MFHAS1: variants seen among roughly 807,000 people sequenced by gnomAD.
The protein encoded by MFHAS1 is malignant fibrous histiocytoma-amplified sequence 1.
A neutral mutation model predicts 70.4 loss-of-function variants in MFHAS1; 50 were observed. The observed-to-expected ratio is 0.71, with a 90% confidence interval of 0.57 to 0.90. The LOEUF (loss-of-function observed/expected upper bound fraction) is 0.90. Ranked by LOEUF, MFHAS1 falls within the 40% of genes least tolerant of loss-of-function variation. The probability of loss-of-function intolerance (pLI) is 0.00; values close to 1 mark genes in which losing one functional copy is unlikely to be tolerated. For missense variants in MFHAS1, 1,795 were observed against 1,347.6 expected (o/e 1.33, Z -5.20); for synonymous variants, 952 against 620.0 (o/e 1.54, Z -7.96).
At chr8:8,889,932 G>A in intron 1 of MFHAS1, 129 bp downstream of exon 1, 1 of 741,762 alleles carries the variant, frequency 1.3e-6, no homozygotes, top group Non-Finnish European at 2.2e-6. Context: ...ATCTCCCTGT[G>A]TTTCCCTTAC....
chr8:8,786,971 C>T (rs904344202), intron 2 of MFHAS1, among the ~76,000 whole-genome samples: 1 of 152,070 alleles, frequency 6.6e-6, no homozygotes, highest in African/African-American at 2.4e-5. Context: ...AAACCAAAAA[C>T]CTCTCATTTA....
chr8:8,878,903 G>C (rs1279074496), intron 1 of MFHAS1, among the ~76,000 whole-genome samples: 2 of 152,140 alleles, frequency 1.3e-5, no homozygotes, highest in African/African-American at 2.4e-5. Flanking sequence ...TCTCAGCAAA[G>C]AAATCCAGCA....
chr8:8,789,138 G>C lies in MFHAS1; in HGVS notation c.3126-3083C>G, dbSNP rs537511096. ...GCAGAGACGGGGGAAGTGGTGGCTG[G>C]GGGGGTTGGGCCCTAGAGGGAAGCC... On this transcript the variant is annotated intron_variant, in intron 2 of 2. Coordinates refer to ENST00000276282, the MANE Select transcript of MFHAS1 (RefSeq NM_004225.3). Among the ~76,000 whole-genome samples the C allele has an allele frequency of 2.2e-4, 33 of 152,046 alleles. 1 individual carries two copies. In the South Asian group the frequency reaches 5.4e-3, roughly 25 times the overall value.
chr8:8,784,543 TGATTTCTA>T lies in MFHAS1; in HGVS notation c.*1471_*1478del, dbSNP rs1401201315. The T allele has an allele frequency of 1.3e-5, 2 of 152,232 alleles. No homozygotes were observed. The highest frequency in any genetic ancestry group is 4.8e-5 in the African/African-American group (2 of 41,460). 9.4% of individuals were successfully genotyped at this position (152,232 alleles called of 1,614,324 possible). ...AAAATATTCTACAAAAATCGGTTTG[TGATTTCTA>T]GCAGGGCAGTCGCTTGCTCCTTATT... is the stretch of plus-strand genomic sequence containing the variant. On this transcript the variant is annotated 3_prime_UTR_variant, in exon 3 of 3. Coordinates refer to ENST00000276282, the MANE Select transcript of MFHAS1 (RefSeq NM_004225.3).
chr8:8,809,975 C>G (rs1030434711), intron 1 of MFHAS1, among the ~76,000 whole-genome samples: 3 of 152,166 alleles, frequency 2.0e-5, no homozygotes, highest in African/African-American at 7.2e-5. Context: ...TAGGACGAAC[C>G]CTTATGACCT....
At chr8:8,848,643 C>T (rs936649000) in intron 1 of MFHAS1, among the ~76,000 whole-genome samples, 7 of 152,084 alleles carry the variant, frequency 4.6e-5, no homozygotes, top group East Asian at 3.9e-4. Flanking sequence ...AATCAGATCT[C>T]GCAAGAGGTA....
chr8:8,787,483 C>T (rs371291517), intron 2 of MFHAS1, among the ~76,000 whole-genome samples: 1 of 152,192 alleles, frequency 6.6e-6, no homozygotes, highest in Admixed American at 6.5e-5. Context: ...CTAGGGTGAT[C>T]TGACTCCAAA....
At chr8:8,868,229 T>C (rs1024458380) in intron 1 of MFHAS1, among the ~76,000 whole-genome samples, 1 of 151,966 alleles carries the variant, frequency 6.6e-6, no homozygotes, top group Non-Finnish European at 1.5e-5. Context: ...TGAATAAATA[T>C]CCTGACAAAT....
intron 1 of MFHAS1, among the ~76,000 whole-genome samples, chr8:8,832,761 C>T (rs1339853439): frequency 6.6e-6 from 1 of 151,414 alleles, no homozygotes; most frequent in Non-Finnish European, 1.5e-5. Context: ...CCTGACTCGC[C>T]GAGACTACAG....
At chr8:8,859,026 C>G (rs1334908497) in intron 1 of MFHAS1, among the ~76,000 whole-genome samples, 2 of 152,190 alleles carry the variant, frequency 1.3e-5, no homozygotes, top group African/African-American at 4.8e-5. Context: ...AAAGATTCTT[C>G]AGTCAATAAG....
intron 2 of MFHAS1, among the ~76,000 whole-genome samples, chr8:8,792,328 G>A (rs181206321): frequency 2.0e-4 from 31 of 151,504 alleles, no homozygotes; most frequent in East Asian, 9.9e-4. Flanking sequence ...TTGGCCGGGC[G>A]CGTGGCTCAC....
At position 8,890,136 on chromosome 8, in the gene MFHAS1, C is replaced by T. The variant is rs148854216; in HGVS notation, c.2923G>A (p.Gly975Arg). 5 of 1,614,032 alleles carry T rather than the reference C, an allele frequency of 3.1e-6. No homozygotes were observed. Among genetic ancestry groups the T allele is most frequent in the Non-Finnish European group, 4.2e-6 (5 of 1,180,038 alleles). The change falls in exon 1 of 3, where the codon GGA becomes AGA. Residue 975 changes from glycine (G) to arginine (R), a missense_variant. Transcript: ENST00000276282. ...ELNVLLQEWP[G>R]LHYTVHILCS... ...AGAATGTGCACGGTGTAGTGCAGTCCAGGCCATTCCTGAAGTAGGACATTC... is the reference window on the plus strand; with the variant it reads ...AGAATGTGCACGGTGTAGTGCAGTCTAGGCCATTCCTGAAGTAGGACATTC...
chr8:8,884,087 G>GGAA (rs1563220151), intron 1 of MFHAS1, among the ~76,000 whole-genome samples: 41 of 112,190 alleles, frequency 3.7e-4, no homozygotes, highest in African/African-American at 1.4e-3. Flanking sequence ...CACACAAAAA[G>GGAA]AAAAAAAAAA....
chr8:8,843,590 T>C (rs532842258), intron 1 of MFHAS1, among the ~76,000 whole-genome samples: 15 of 152,036 alleles, frequency 9.9e-5, no homozygotes, highest in East Asian at 3.9e-4. Flanking sequence ...CAAAAATAAA[T>C]AAACACATAA....
chr8:8,792,861 T>A (rs1563175795), intron 2 of MFHAS1, among the ~76,000 whole-genome samples: 1 of 152,218 alleles, frequency 6.6e-6, no homozygotes, highest in Non-Finnish European at 1.5e-5. Flanking sequence ...ACAATCTGTA[T>A]CCTTGAGGAG....
At chr8:8,824,346 C>T (rs1396982275) in intron 1 of MFHAS1, among the ~76,000 whole-genome samples, 1 of 152,028 alleles carries the variant, frequency 6.6e-6, no homozygotes, top group Non-Finnish European at 1.5e-5. Context: ...CAGGGTACCC[C>T]GGAGTCCTTA....
chr8:8,796,930 A>G (rs905533069), intron 2 of MFHAS1, among the ~76,000 whole-genome samples: 19 of 151,790 alleles, frequency 1.3e-4, no homozygotes, highest in South Asian at 8.3e-4. Flanking sequence ...CGGGAGGCGG[A>G]GCTTGCAGTG....
chr8:8,890,976 G>C lies in MFHAS1; in HGVS notation c.2083C>G (p.Leu695Val), dbSNP rs1018786482. 6.2e-7 allele frequency: 1 copy of C among 1,613,680 alleles called. No individual in the cohort carries two copies. Among genetic ancestry groups the C allele is most frequent in the Admixed American group, 1.7e-5 (1 of 59,992 alleles). Residue 695 changes from leucine to valine, a missense_variant, in exon 1 of 3, where the codon CTG becomes GTG. By Grantham distance (32) the Leu-to-Val change is conservative. Coordinates refer to ENST00000276282, the MANE Select transcript of MFHAS1 (RefSeq NM_004225.3). ...GCACTCTGCAGTCGGTCCTCGGTCA[G>C]ACCCGCCTGCAGGCCCAAGCGCGCC... ...DSARLGLQAGLTEDRLQSALS... is the reference protein window; with the variant it reads ...DSARLGLQAGVTEDRLQSALS...
intron 1 of MFHAS1, among the ~76,000 whole-genome samples, chr8:8,844,932 G>A (rs1807972925): frequency 6.6e-6 from 1 of 152,148 alleles, no homozygotes. Context: ...CTATCTGCAT[G>A]ACAAAGCAAT....
Sources: allele counts gnomAD v4.1 joint callset (sites outside exome capture counted in the v4.1 genomes callset), GRCh38; gene constraint gnomAD v4.1.1; transcripts MANE v1.5; gene names NCBI Gene and HGNC (gene_info 2026-07-23, HGNC 2026-07-21).